The following ADCY6 variants were observed in gnomAD, a reference collection of about 807,000 sequenced individuals.
ADCY6 encodes the protein adenylate cyclase type 6.
ADCY6 carries 59 observed loss-of-function variants against 111.6 expected under a neutral mutation model. The observed-to-expected ratio is 0.53, with a 90% CI of 0.43 to 0.66. ADCY6 has a LOEUF of 0.66. ADCY6 is among the 30% of genes least tolerant of loss of function. The pLI is 0.00. For synonymous variants in ADCY6, 576 were observed against 642.9 expected (o/e 0.90, Z 1.57); for missense variants, 1,242 against 1,595.6 (o/e 0.78, Z 3.78).
Position 48,770,950 on chromosome 12 carries a change from G to A in ADCY6, c.3072C>T (p.Phe1024=). Residue 1024 remains phenylalanine, a synonymous_variant, in exon 20 of 22, where the codon TTC becomes TTT. Coordinates refer to ENST00000357869, the MANE Select transcript of ADCY6 (RefSeq NM_015270.5). ...TCGTCTTGATCTTTTCCAGCTGCCG[G>A]AACCGCTCCTCGCTGATAATCTGAA... The part of the protein sequence containing the change: ...DFDEIISEER[F]RQLEKIKTIG... 1 of 1,614,082 alleles carries A rather than the reference G, an allele frequency of 6.2e-7. No homozygotes were observed. Among genetic ancestry groups the A allele is most frequent in the Non-Finnish European group, 8.5e-7 (1 of 1,180,032 alleles).
chr12:48,780,671 C>T (rs1392431073), intron 2 of ADCY6, among the ~76,000 whole-genome samples: 1 of 152,192 alleles, frequency 6.6e-6, no homozygotes, highest in East Asian at 1.9e-4. Context: ...GAGCAGGGAA[C>T]AGATGCCCAC....
upstream of ADCY6, chr12:48,789,835 T>G (rs1015186086): frequency 1.4e-5 from 2 of 147,834 alleles, no homozygotes; most frequent in African/African-American, 5.0e-5. Flanking sequence ...CCCCCCGCCC[T>G]ACTCTCTGGG....
Position 48,768,610 on chromosome 12 carries a change from T to C in ADCY6, c.3488A>G (p.Asn1163Ser), listed in dbSNP as rs149764790. 20 of 1,614,050 alleles carry C rather than the reference T, an allele frequency of 1.2e-5. No individual in the cohort carries two copies. The highest frequency in any genetic ancestry group is 3.3e-5 in the South Asian group (3 of 91,084). The change falls in exon 22 of 22, where the codon AAT (asparagine) becomes AGT (serine). Residue 1163 changes from asparagine (N) to serine (S), a missense_variant. By Grantham distance (46) the Asn-to-Ser change is conservative. Transcript: ENST00000357869. ...GKGEMTTYFLNGGPSS is the reference protein window; with the variant it reads ...GKGEMTTYFLSGGPSS ...GCCCTGTTAACTGCTGGGGCCCCCA[T>C]TGAGGAAGTAGGTGGTCATCTCCCC...
rs1209116097 is a variant in ADCY6 at position 48,777,408 on chromosome 12, A to AC, written c.1248+1dup. ...CCCAATCCCAAGGCCCAGCACCCTC[A>AC]CCGCAGCCAGCTTGTCAAACCGGGC... On this transcript the variant is annotated splice_donor_variant, in intron 5 of 21. Coordinates refer to ENST00000357869, the MANE Select transcript of ADCY6 (RefSeq NM_015270.5). LOFTEE classifies it high-confidence loss of function. The surrounding 1 kb of genome is among the most constrained non-coding windows in gnomAD (Gnocchi z 4.9). 6.2e-7 allele frequency: 1 copy of AC among 1,613,524 alleles called. No homozygotes were observed. Among genetic ancestry groups the AC allele is most frequent in the Admixed American group, 1.7e-5 (1 of 59,964 alleles).
rs577089201 is a variant in ADCY6 at position 48,768,955 on chromosome 12, C to T, written c.3363G>A (p.Gly1121=). ...VNVSSRMDST[G]VPDRIQVTTD... Reference sequence around the variant, plus strand: ...CCCTCACCTGGATTCGGTCGGGGACCCCCGTGCTGTCCATACGACTAGAGA... The same window carrying T: ...CCCTCACCTGGATTCGGTCGGGGACTCCCGTGCTGTCCATACGACTAGAGA... Residue 1121 remains glycine, a synonymous_variant, in exon 21 of 22, where the codon GGG becomes GGA. Coordinates refer to ENST00000357869, the MANE Select transcript of ADCY6 (RefSeq NM_015270.5). 4 of 1,613,752 alleles carry T rather than the reference C, an allele frequency of 2.5e-6. No homozygotes were observed. The highest frequency in any genetic ancestry group is 3.4e-6 in the Non-Finnish European group (4 of 1,179,796).
chr12:48,774,964 A>C lies in ADCY6; in HGVS notation c.2071T>G (p.Phe691Val). 1 of 1,554,810 alleles carries C rather than the reference A, an allele frequency of 6.4e-7. No homozygotes were observed. Among genetic ancestry groups the C allele is most frequent in the South Asian group, 1.2e-5 (1 of 84,234 alleles). ...GAAAGGCAGGGCTCTCACTGTGGGA[A>C]GATGAGAAGCTGGATGAAGCAGATG... is the stretch of plus-strand genomic sequence containing the variant. ...CFICFIQLLI[F>V]PHSTLMLGIY... is the part of the protein sequence containing the mutation. The change falls in exon 12 of 22, where the codon TTC (phenylalanine) becomes GTC (valine). Residue 691 changes from phenylalanine (F) to valine (V), a missense_variant. This residue lies in a region of ADCY6 where 375 missense variants were observed against 432.5 expected (regional missense o/e 0.87). Transcript: ENST00000357869.
In ADCY6 at chr12:48,776,667, G is replaced by A; in HGVS notation, c.1377-81C>T. The A allele has an allele frequency of 6.6e-7, 1 of 1,508,904 alleles. No homozygotes were observed. Among genetic ancestry groups the A allele is most frequent in the Non-Finnish European group, 8.9e-7 (1 of 1,129,842 alleles). The allele number at this position is 1,508,904 out of a possible 1,614,324, so 93.5% of individuals were successfully genotyped here. On this transcript the variant is annotated intron_variant, in intron 6 of 21. Transcript: ENST00000357869. This position sits in a 1 kb window ranked among gnomAD's most constrained non-coding sequence, Gnocchi z 6.1. The stretch of plus-strand genomic sequence containing the variant: ...CAACCCAGGCCCTTCACTCCTCTCA[G>A]GGCCCAGCGGGCAAGGACAGACCCA...
rs1941635974 is a variant in ADCY6 at position 48,774,392 on chromosome 12, G to T, written c.2283+10C>A. The T allele has an allele frequency of 6.2e-7, 1 of 1,605,170 alleles. No individual in the cohort carries two copies. The highest frequency in any genetic ancestry group is 8.5e-7 in the Non-Finnish European group (1 of 1,171,978). ...GAGCAGAGGTGGGAGAATTCCCACT[G>T]GACCCTTACCATGTTGGCAATGGCA... On this transcript the variant is annotated intron_variant, in intron 14 of 21. Coordinates refer to ENST00000357869, the MANE Select transcript of ADCY6 (RefSeq NM_015270.5).
chr12:48,776,449 A>G lies in ADCY6; in HGVS notation c.1514T>C (p.Met505Thr). 1 of 1,450,598 alleles carries G rather than the reference A, an allele frequency of 6.9e-7. No individual in the cohort carries two copies. The highest frequency in any genetic ancestry group is 9.2e-7 in the Non-Finnish European group (1 of 1,090,972). 89.9% of individuals were successfully genotyped at this position (1,450,598 alleles called of 1,614,324 possible). ...TCACCCAGCCCGGCCTCCTGCCTCC[A>G]TGTGGTTGGCCAGGGTCACATCATT... ...WSNDVTLANH[M>T]EAGGRAGRIH... The change falls in exon 7 of 22, where the codon ATG becomes ACG. Residue 505 changes from methionine to threonine, a missense_variant. Coordinates refer to ENST00000357869, the MANE Select transcript of ADCY6 (RefSeq NM_015270.5). This position sits in a 1 kb window ranked among gnomAD's most constrained non-coding sequence, Gnocchi z 6.1.
At position 48,775,981 on chromosome 12, in the gene ADCY6, G is replaced by T; in HGVS notation, c.1788C>A (p.Ser596=). ...CCCTCACCATCTGGCGGAAGGCCTT[G>T]GAGTCCTTGGTCCGGGAGAAGGCAC... is the stretch of plus-strand genomic sequence containing the variant. ...PDRAFSRTKD[S]KAFRQMGIDD... is the part of the protein sequence containing the mutation. The change falls in exon 9 of 22, where the codon TCC becomes TCA. Residue 596 remains serine, a synonymous_variant. Coordinates refer to ENST00000357869, the MANE Select transcript of ADCY6 (RefSeq NM_015270.5). The T allele has an allele frequency of 6.2e-7, 1 of 1,607,136 alleles. No homozygotes were observed. Among genetic ancestry groups the T allele is most frequent in the Non-Finnish European group, 8.5e-7 (1 of 1,176,734 alleles).
At chr12:48,783,476 C>A in intron 1 of ADCY6, 38 bp from the exon 2 acceptor site, 1 of 1,613,160 alleles carries the variant, frequency 6.2e-7, no homozygotes. Flanking sequence ...AGAGACCATC[C>A]AGTAGGAGTG....
At chr12:48,772,175 G>A (rs1030326903) in intron 18 of ADCY6, 120 bp downstream of exon 18, 23 of 1,457,332 alleles carry the variant, frequency 1.6e-5, no homozygotes, top group Non-Finnish European at 2.0e-5. Context: ...AGAAGGAATG[G>A]AACCAGGGTG....
Position 48,767,050 on chromosome 12 carries a change from G to C in ADCY6, c.*1541C>G, listed in dbSNP as rs941060197. 1 of 152,538 alleles carries C rather than the reference G, an allele frequency of 6.6e-6. No homozygotes were observed. Among genetic ancestry groups the C allele is most frequent in the African/African-American group, 2.4e-5 (1 of 41,440 alleles). The allele number at this position is 152,538 out of a possible 1,614,324, so 9.4% of individuals were successfully genotyped here. On this transcript the variant is annotated 3_prime_UTR_variant, in exon 22 of 22. Coordinates refer to ENST00000357869, the MANE Select transcript of ADCY6 (RefSeq NM_015270.5). ...CATGCTAGACTCAGGCTGAAGGCTG[G>C]GGAAAGCCAAGTTTAAGGTTCCTCT...
Position 48,777,440 on chromosome 12 carries a change from C to T in ADCY6, c.1218G>A (p.Glu406=), listed in dbSNP as rs779867328. ...CCAGCTTGTCAAACCGGGCAAAGAG[C>T]TCATTCAGGGTCATGACCAGCTCCT... ...TAQELVMTLN[E]LFARFDKLAA... Residue 406 remains glutamate, a synonymous_variant, in exon 5 of 22, where the codon GAG becomes GAA. Transcript: ENST00000357869. This position sits in a 1 kb window ranked among gnomAD's most constrained non-coding sequence, Gnocchi z 4.9. 6.2e-6 allele frequency: 10 copies of T among 1,614,270 alleles called. No individual in the cohort carries two copies. The highest frequency in any genetic ancestry group is 6.8e-6 in the Non-Finnish European group (8 of 1,180,040).
Position 48,777,760 on chromosome 12 carries a change from C to T in ADCY6, c.1015-24G>A, listed in dbSNP as rs754791253. The T allele has an allele frequency of 6.2e-7, 1 of 1,612,952 alleles. No homozygotes were observed. The highest frequency in any genetic ancestry group is 1.7e-5 in the Admixed American group (1 of 59,992). On this transcript the variant is annotated intron_variant, in intron 3 of 21. Transcript: ENST00000357869. The surrounding 1 kb of genome is among the most constrained non-coding windows in gnomAD (Gnocchi z 4.9). ...TCCTAGCCCAGTGGTTCCAATAGGG[C>T]ATCACTATACTCTTGGTCTCACATT...
chr12:48,775,092 C>T (rs200304230), intron 11 of ADCY6, 38 bp from the exon 12 acceptor site: 3 of 1,527,954 alleles, frequency 2.0e-6, no homozygotes, highest in Non-Finnish European at 2.7e-6. Context: ...CTGGGCCCTC[C>T]CTAAGGAAGG....
At chr12:48,780,566 G>A (rs1941815411) in intron 2 of ADCY6, among the ~76,000 whole-genome samples, 1 of 152,214 alleles carries the variant, frequency 6.6e-6, no homozygotes, top group Non-Finnish European at 1.5e-5. Context: ...GCTGTAGCCA[G>A]ACACTCCTGG....
chr12:48,786,935 T>C (rs1430920711), intron 1 of ADCY6, among the ~76,000 whole-genome samples: 1 of 152,250 alleles, frequency 6.6e-6, no homozygotes, highest in Admixed American at 6.5e-5. Flanking sequence ...CAGGAAAGAA[T>C]CTAATAATGC....
chr12:48,771,673 C>G lies in ADCY6; in HGVS notation c.3051+37G>C. ...TCCAATCCCTGGTCTCCAAGTACCC[C>G]CCACTCTCTGCCACCACCAGCCAAC... On this transcript the variant is annotated intron_variant, in intron 19 of 21. Transcript: ENST00000357869. The surrounding 1 kb of genome is among the most constrained non-coding windows in gnomAD (Gnocchi z 4.3). The G allele has an allele frequency of 6.2e-7, 1 of 1,612,596 alleles. No individual in the cohort carries two copies.
Sources: gnomAD v4.1 joint callset for allele counts (sites outside exome capture counted in the v4.1 genomes callset) on GRCh38, gnomAD v4.1.1 for gene constraint, gnomAD v4.1.1 regional missense constraint, Gnocchi (gnomAD v3.1) non-coding constraint, MANE v1.5 for transcripts, NCBI Gene and HGNC (gene_info 2026-07-23, HGNC 2026-07-21) for gene names.